LIMS2: variants seen among roughly 807,000 people sequenced by gnomAD.
LIMS2 encodes the protein LIM and senescent cell antigen-like-containing domain protein 2.
LIMS2 carries 30 observed loss-of-function variants against 45.3 expected under a neutral mutation model. The observed-to-expected ratio is 0.66, with a 90% CI of 0.50 to 0.90. LIMS2 has a LOEUF of 0.90. Among genes scored for constraint, LIMS2 ranks in the 40% least tolerant of loss-of-function variants. The pLI, the probability that LIMS2 is intolerant of heterozygous loss-of-function variation, is 0.00. For missense variants in LIMS2, 485 were observed against 468.7 expected (o/e 1.03, Z -0.32); for synonymous variants, 173 against 188.0 (o/e 0.92, Z 0.65).
At chr2:127,668,706 AAAAAACAC>A (rs1685148724) in intron 1 of LIMS2, among the ~76,000 whole-genome samples, 1 of 133,596 alleles carries the variant, frequency 7.5e-6, no homozygotes, top group African/African-American at 3.1e-5. Context: ...AAAAAAAAAA[AAAAAACAC>A]CTTACTTAAA....
chr2:127,664,178 C>G lies in LIMS2; in HGVS notation c.12-6616G>C, dbSNP rs971885667. On this transcript the variant is annotated intron_variant, in intron 1 of 9. Coordinates refer to ENST00000355119, the MANE Select transcript of LIMS2 (RefSeq NM_001161403.3). This position sits in a 1 kb window ranked among gnomAD's most constrained non-coding sequence, Gnocchi z 5.5. ...GCCCACCCTGTCGCCAACCCAGGGC[C>G]CATCCGACGCCGGGGCAGAGCCCAC... 1.5e-6 allele frequency: 1 copy of G among 672,810 alleles called. No homozygotes were observed. Among genetic ancestry groups the G allele is most frequent in the Non-Finnish European group, 2.0e-6 (1 of 496,080 alleles). 41.7% of individuals were successfully genotyped at this position (672,810 alleles called of 1,614,324 possible). A position where few individuals can be genotyped will look rare whatever the true frequency, so the allele number is the denominator to read the frequency against.
intron 6 of LIMS2, chr2:127,641,814 G>A (rs1682434875): frequency 6.2e-6 from 3 of 486,056 alleles, no homozygotes; most frequent in Non-Finnish European, 1.1e-5. Flanking sequence ...GGGGGAAGAG[G>A]AGAGGTGGGC....
rs1573855477 is a variant in LIMS2, at chr2:127,675,182, G to T, written c.-158C>A. 1 of 524,926 alleles carries T rather than the reference G, an allele frequency of 1.9e-6. No individual in the cohort carries two copies. Among genetic ancestry groups the T allele is most frequent in the Non-Finnish European group, 2.9e-6 (1 of 349,600 alleles). 32.5% of individuals were successfully genotyped at this position (524,926 alleles called of 1,614,324 possible). On this transcript the variant is annotated 5_prime_UTR_variant, in exon 1 of 10. Transcript: ENST00000355119. Reference sequence around the variant, plus strand: ...CGCTCCGCCCGCGAGAGGGGTGGGCGGGGGTGGCAGGGTGGGGCCCGCGGG... The same window carrying T: ...CGCTCCGCCCGCGAGAGGGGTGGGCTGGGGTGGCAGGGTGGGGCCCGCGGG...
rs995520532 is a variant in LIMS2, at chr2:127,664,006, C to G, written c.12-6444G>C. Among the ~76,000 whole-genome samples the G allele has an allele frequency of 6.6e-6, 1 of 152,200 alleles. No homozygotes were observed. The highest frequency in any genetic ancestry group is 1.5e-5 in the Non-Finnish European group (1 of 68,036). ...CTCTGCTCAGAACCTGTCTGCTCAT[C>G]TATAAAGTGCAGCATGATCACCCCC... is the stretch of plus-strand genomic sequence containing the variant. On this transcript the variant is annotated intron_variant, in intron 1 of 9. Coordinates refer to ENST00000355119, the MANE Select transcript of LIMS2 (RefSeq NM_001161403.3). The surrounding 1 kb of genome is among the most constrained non-coding windows in gnomAD (Gnocchi z 5.5).
At chr2:127,680,233 G>A (rs116006359), upstream of LIMS2, among the ~76,000 whole-genome samples, 1,935 of 152,324 alleles carry the variant, frequency 0.013, 49 homozygotes, top group African/African-American at 0.045. Flanking sequence ...GCAGGACACC[G>A]CCCCTGGCAC....
In LIMS2 at chr2:127,672,566, A is replaced by C. The variant is rs930994010; in HGVS notation, c.11+2448T>G. On this transcript the variant is annotated intron_variant, in intron 1 of 9. Coordinates refer to ENST00000355119, the MANE Select transcript of LIMS2 (RefSeq NM_001161403.3). The surrounding 1 kb of genome is among the most constrained non-coding windows in gnomAD (Gnocchi z 4.9). Reference sequence around the variant, plus strand: ...ACCCTCTGTGGCCCACCTCACAGCCAGTCAGTTGGGTCCTGTCCACTCCAC... The same window carrying C: ...ACCCTCTGTGGCCCACCTCACAGCCCGTCAGTTGGGTCCTGTCCACTCCAC... Among the ~76,000 whole-genome samples the C allele has an allele frequency of 6.6e-6, 1 of 152,124 alleles. No homozygotes were observed. The highest frequency in any genetic ancestry group is 2.4e-5 in the African/African-American group (1 of 41,416).
chr2:127,645,242 A>G (rs1165692250), intron 4 of LIMS2, among the ~76,000 whole-genome samples: 1 of 152,186 alleles, frequency 6.6e-6, no homozygotes, highest in Non-Finnish European at 1.5e-5. Context: ...GGGTGATGTG[A>G]AGAGACAAAT....
intron 1 of LIMS2, among the ~76,000 whole-genome samples, chr2:127,680,591 C>T (rs558190011): frequency 6.6e-6 from 1 of 152,202 alleles, no homozygotes; most frequent in Non-Finnish European, 1.5e-5. Context: ...GAGAAGCTGG[C>T]GGAATGTCGA....
At chr2:127,643,341 C>T (rs1682624867) in intron 4 of LIMS2, 2 of 536,706 alleles carry the variant, frequency 3.7e-6, no homozygotes, top group South Asian at 3.6e-5. Context: ...TTTCTACTTT[C>T]TCTAAGCCTG....
At chr2:127,640,184 C>T in intron 8 of LIMS2, 39 bp from the exon 9 acceptor site, 2 of 1,612,522 alleles carry the variant, frequency 1.2e-6, no homozygotes, top group Non-Finnish European at 1.7e-6. Context: ...CCTGGCTAGG[C>T]TGCCGCAGGC....
rs1267915801 is a variant in LIMS2 at position 127,667,168 on chromosome 2, A to G, written c.11+7846T>C. Among the ~76,000 whole-genome samples the G allele has an allele frequency of 3.3e-5, 5 of 152,190 alleles. No individual in the cohort carries two copies. The highest frequency in any genetic ancestry group is 2.0e-4 in the Admixed American group (3 of 15,278). ...AACACCAGTGTGGTGGCACATGCCT[A>G]TAATCCCAGCTACTCAGGAGGCTGA... is the stretch of plus-strand genomic sequence containing the variant. On this transcript the variant is annotated intron_variant, in intron 1 of 9. Transcript: ENST00000355119. The surrounding 1 kb of genome is among the most constrained non-coding windows in gnomAD (Gnocchi z 4.1).
Position 127,664,380 on chromosome 2 carries a change from G to A in LIMS2, c.12-6818C>T. On this transcript the variant is annotated intron_variant, in intron 1 of 9. Coordinates refer to ENST00000355119, the MANE Select transcript of LIMS2 (RefSeq NM_001161403.3). The surrounding 1 kb of genome is among the most constrained non-coding windows in gnomAD (Gnocchi z 5.5). ...CCGACGCGGCCAGCGCACCCAGCCG[G>A]GCCGCCATGGCGCGGGGCAGCCGCC... The A allele has an allele frequency of 8.3e-7, 1 of 1,210,376 alleles. No individual in the cohort carries two copies. Among genetic ancestry groups the A allele is most frequent in the Non-Finnish European group, 1.0e-6 (1 of 974,314 alleles). The allele number at this position is 1,210,376 out of a possible 1,614,324, so 75.0% of individuals were successfully genotyped here. A position where few individuals can be genotyped will look rare whatever the true frequency, so the allele number is the denominator to read the frequency against.
chr2:127,649,836 G>T, intron 4 of LIMS2: 2 of 611,462 alleles, frequency 3.3e-6, no homozygotes, highest in South Asian at 4.0e-5. Flanking sequence ...TGGGGCTGCA[G>T]ATCCGTCCTC....
chr2:127,644,322 G>A (rs1246682182), intron 4 of LIMS2, among the ~76,000 whole-genome samples: 1 of 152,098 alleles, frequency 6.6e-6, no homozygotes, highest in Non-Finnish European at 1.5e-5. Context: ...GCCTCGGTGG[G>A]CATCATCTCC....
rs746910960 is a variant in LIMS2, at chr2:127,640,976, CACAG to C, written c.669_672del (p.Cys224ProfsTer39). On this transcript the variant is annotated frameshift_variant, in exon 7 of 10. Coordinates refer to ENST00000355119, the MANE Select transcript of LIMS2 (RefSeq NM_001161403.3). LOFTEE classifies it high-confidence loss of function. ...CCCAGGAATGGCTTCTCACACTTGGCACAGACAAAGTGCTGCAAGGACAAAGGGC... is the reference window on the plus strand; with the variant it reads ...CCCAGGAATGGCTTCTCACACTTGGCACAAAGTGCTGCAAGGACAAAGGGC... 122 of 1,613,794 alleles carry C rather than the reference CACAG, an allele frequency of 7.6e-5. No homozygotes were observed. Among genetic ancestry groups the C allele is most frequent in the Admixed American group, 3.8e-4 (23 of 60,014 alleles).
intron 1 of LIMS2, 26 bp from the exon 2 acceptor site, chr2:127,657,588 A>G: frequency 6.3e-7 from 1 of 1,575,172 alleles, no homozygotes; most frequent in South Asian, 1.2e-5. Context: ...AGGAGGAGTG[A>G]GTCAGAGCTG....
chr2:127,644,226 C>A, intron 4 of LIMS2: 1 of 400,748 alleles, frequency 2.5e-6, no homozygotes, highest in Non-Finnish European at 5.1e-6. Context: ...CTCCCCAAGA[C>A]CCTATGTGCC....
At chr2:127,649,903 G>A (rs1255608070) in intron 4 of LIMS2, 2 of 900,836 alleles carry the variant, frequency 2.2e-6, no homozygotes, top group Admixed American at 4.6e-5. Flanking sequence ...CCTCCTGGAA[G>A]AGATGCTGCC....
intron 2 of LIMS2, chr2:127,655,222 G>A (rs960248097): frequency 2.4e-5 from 11 of 459,800 alleles, no homozygotes; most frequent in Non-Finnish European, 2.4e-5. Context: ...AGCCAGGAGG[G>A]ATGAGATCCA....
Sources: gnomAD v4.1 joint callset for allele counts (sites outside exome capture counted in the v4.1 genomes callset) on GRCh38, gnomAD v4.1.1 for gene constraint, Gnocchi (gnomAD v3.1) non-coding constraint, MANE v1.5 for transcripts, NCBI Gene and HGNC (gene_info 2026-07-23, HGNC 2026-07-21) for gene names.